Variants in ITCH observed in about 807,000 individuals in gnomAD.
The protein encoded by ITCH is itchy E3 ubiquitin protein ligase.
ITCH carries 28 observed loss-of-function variants against 126.8 expected under a neutral mutation model. The ratio of observed to expected loss-of-function variants is 0.22; its 90% CI spans 0.16 to 0.30. The LOEUF (loss-of-function observed/expected upper bound fraction) is 0.30, where lower values mean the gene tolerates loss of function less well. ITCH is among the 10% of genes least tolerant of loss of function. The pLI, the probability that ITCH is intolerant of heterozygous loss-of-function variation, is 1.00. For missense variants in ITCH, 631 were observed against 1,032.4 expected, an observed-to-expected ratio of 0.61 and a Z score of 5.33; for synonymous variants, 342 against 340.0, an observed-to-expected ratio of 1.01 and a Z score of -0.06.
intron 7 of ITCH, among the ~76,000 whole-genome samples, chr20:34,426,001 G>A (rs762013342): frequency 9.9e-5 from 15 of 152,212 alleles, no homozygotes; most frequent in Non-Finnish European, 1.9e-4. Context: ...CATCTAAAAG[G>A]TGTTGAAAGC....
In ITCH at chr20:34,502,633, C is replaced by T. The variant is rs189406143; in HGVS notation, c.2417-1698C>T. On this transcript the variant is annotated intron_variant, in intron 23 of 24. Transcript: ENST00000374864. Reference sequence around the variant, plus strand: ...GCTGAGGCAGGAGAATCACTTGAACCTGGGAGGCGGAGGTTGTGGTGAGCC... The same window carrying T: ...GCTGAGGCAGGAGAATCACTTGAACTTGGGAGGCGGAGGTTGTGGTGAGCC... Among the ~76,000 whole-genome samples, 43 of 151,914 alleles carry T rather than the reference C, an allele frequency of 2.8e-4. No individual in the cohort carries two copies. In the East Asian group the frequency reaches 7.9e-3, roughly 28 times the overall value.
chr20:34,486,519 T>C (rs2146495322), intron 20 of ITCH, among the ~76,000 whole-genome samples: 1 of 151,530 alleles, frequency 6.6e-6, no homozygotes, highest in African/African-American at 2.4e-5. Context: ...AGAGACGGGG[T>C]TTTGCCATGT....
chr20:34,480,747 C>G lies in ITCH; in HGVS notation c.1952+15C>G, dbSNP rs1451344538. On this transcript the variant is annotated intron_variant, in intron 19 of 24. Transcript: ENST00000374864. ...ATCTGGGTTAAGTAAGTTTCTTTTT[C>G]CATGTAATTTATTAAAATATAGTTA... 1.9e-6 allele frequency: 3 copies of G among 1,576,060 alleles called. No individual in the cohort carries two copies. Among genetic ancestry groups the G allele is most frequent in the Non-Finnish European group, 2.6e-6 (3 of 1,148,156 alleles).
chr20:34,408,759 C>T lies in ITCH; in HGVS notation c.179C>T (p.Thr60Ile). ...QSKKTEKCNN[T>I]NSPKWKQPLT... ...AAGAAGACAGAAAAATGCAACAACA[C>T]AAACAGTCCCAAGTGGAAGCAACCC... Residue 60 changes from threonine to isoleucine, a missense_variant, in exon 4 of 25, where the codon ACA becomes ATA. By Grantham distance (89) the Thr-to-Ile change is moderately conservative (BLOSUM62 -1). Coordinates refer to ENST00000374864, the MANE Select transcript of ITCH (RefSeq NM_031483.7). 1 of 1,614,070 alleles carries T rather than the reference C, an allele frequency of 6.2e-7. No individual in the cohort carries two copies. Among genetic ancestry groups the T allele is most frequent in the Non-Finnish European group, 8.5e-7 (1 of 1,179,984 alleles).
chr20:34,480,781 C>T, intron 19 of ITCH, 49 bp downstream of exon 19: 1 of 1,406,086 alleles, frequency 7.1e-7, no homozygotes, highest in Non-Finnish European at 1.0e-6. Context: ...TATATGCATT[C>T]CGTGTAGTAT....
At chr20:34,489,429 A>G (rs1318524108) in intron 21 of ITCH, 43 bp downstream of exon 21, 1 of 1,581,828 alleles carries the variant, frequency 6.3e-7, no homozygotes, top group Non-Finnish European at 8.7e-7. Flanking sequence ...GCTAGTAAAT[A>G]ATGCCTTAAG....
Position 34,442,339 on chromosome 20 carries a change from A to T in ITCH, c.965+36A>T, listed in dbSNP as rs542035126. The T allele has an allele frequency of 2.2e-5, 32 of 1,430,880 alleles. 1 individual carries two copies. In the East Asian group the frequency reaches 6.9e-4, roughly 31 times the overall value. The allele number at this position is 1,430,880 out of a possible 1,614,324, so 88.6% of individuals were successfully genotyped here. Reference sequence around the variant, plus strand: ...AAATTTAAAAAGAATAATTTTATTTAGTCAGAATTGTGGATTACAACTGTA... The same window carrying T: ...AAATTTAAAAAGAATAATTTTATTTTGTCAGAATTGTGGATTACAACTGTA... On this transcript the variant is annotated intron_variant, in intron 10 of 24. Transcript: ENST00000374864.
chr20:34,469,814 A>G (rs944611857), intron 14 of ITCH, among the ~76,000 whole-genome samples: 1 of 152,198 alleles, frequency 6.6e-6, no homozygotes, highest in African/African-American at 2.4e-5. Context: ...TAGAAAAGAA[A>G]ATCCCACAAC....
At chr20:34,499,272 CTTTTT>C (rs386393666) in intron 23 of ITCH, among the ~76,000 whole-genome samples, 4 of 23,006 alleles carry the variant, frequency 1.7e-4, no homozygotes, top group African/African-American at 3.2e-4. Context: ...CTGTGCCCAG[CTTTTT>C]TTTTTTTTTT....
At chr20:34,498,255 G>GTAT (rs1990016856) in intron 23 of ITCH, among the ~76,000 whole-genome samples, 1 of 152,112 alleles carries the variant, frequency 6.6e-6, no homozygotes, top group Admixed American at 6.5e-5. Flanking sequence ...AAGGTTTTCT[G>GTAT]TATATAAGGT....
At chr20:34,503,214 C>T (rs552166009) in intron 23 of ITCH, among the ~76,000 whole-genome samples, 4 of 152,118 alleles carry the variant, frequency 2.6e-5, no homozygotes, top group East Asian at 1.9e-4. Context: ...ACTTAGTATA[C>T]AGGGTTTAGT....
intron 6 of ITCH, among the ~76,000 whole-genome samples, chr20:34,418,256 C>T (rs1419324221): frequency 6.6e-6 from 1 of 152,164 alleles, no homozygotes; most frequent in East Asian, 1.9e-4. Context: ...CGAACCACCA[C>T]TCCCGGCCAC....
chr20:34,511,243 G>T lies in ITCH; in HGVS notation c.*3449G>T, dbSNP rs2146595873. 1 of 152,174 alleles carries T rather than the reference G, an allele frequency of 6.6e-6. No homozygotes were observed. Among genetic ancestry groups the T allele is most frequent in the Admixed American group, 6.5e-5 (1 of 15,294 alleles). The allele number at this position is 152,174 out of a possible 1,614,324, so 9.4% of individuals were successfully genotyped here. On this transcript the variant is annotated 3_prime_UTR_variant, in exon 25 of 25. Transcript: ENST00000374864. Reference sequence around the variant, plus strand: ...ATATTACTGTATTAAGAGTACCTTTGTTTTCTTGATCTGTTACTTTTAATA... The same window carrying T: ...ATATTACTGTATTAAGAGTACCTTTTTTTTCTTGATCTGTTACTTTTAATA...
At chr20:34,429,972 AAC>A (rs1437120757) in intron 7 of ITCH, among the ~76,000 whole-genome samples, 1 of 152,194 alleles carries the variant, frequency 6.6e-6, no homozygotes, top group Non-Finnish European at 1.5e-5. Context: ...GGTGGTGAGA[AAC>A]ACAGGTTGTT....
intron 2 of ITCH, among the ~76,000 whole-genome samples, chr20:34,385,810 A>C (rs2038263576): frequency 6.6e-6 from 1 of 152,206 alleles, no homozygotes; most frequent in African/African-American, 2.4e-5. Context: ...AGGAGCTTTT[A>C]GTGTTCTGAG....
At chr20:34,495,361 A>T (rs530650700) in intron 23 of ITCH, among the ~76,000 whole-genome samples, 1 of 150,826 alleles carries the variant, frequency 6.6e-6, no homozygotes, top group African/African-American at 2.4e-5. Flanking sequence ...GATTATAGTC[A>T]TTGTATAGTG....
intron 10 of ITCH, among the ~76,000 whole-genome samples, chr20:34,444,002 A>G (rs1399089069): frequency 6.6e-6 from 1 of 152,174 alleles, no homozygotes; most frequent in Non-Finnish European, 1.5e-5. Flanking sequence ...TCTGCCCACC[A>G]TAATTATGTA....
At chr20:34,490,322 CT>C (rs1203011138) in intron 22 of ITCH, among the ~76,000 whole-genome samples, 2 of 152,098 alleles carry the variant, frequency 1.3e-5, no homozygotes, top group Non-Finnish European at 2.9e-5. Context: ...AAATGTCTGC[CT>C]TAAGCATGGT....
chr20:34,464,154 T>C (rs1377441639), intron 14 of ITCH, among the ~76,000 whole-genome samples: 1 of 151,272 alleles, frequency 6.6e-6, no homozygotes, highest in African/African-American at 2.4e-5. Context: ...TTTTTTTTTT[T>C]TTTTGTATTT....
Sources: gnomAD v4.1 joint callset for allele counts (sites outside exome capture counted in the v4.1 genomes callset) on GRCh38, gnomAD v4.1.1 for gene constraint, MANE v1.5 for transcripts, NCBI Gene and HGNC (gene_info 2026-07-23, HGNC 2026-07-21) for gene names.